The following DCUN1D4 variants were observed in gnomAD, a reference collection of about 807,000 sequenced individuals.
DCUN1D4 encodes defective in cullin neddylation 1 domain containing 4.
DCUN1D4 carries 22 observed loss-of-function variants against 47.9 expected under a neutral mutation model. The ratio of observed to expected loss-of-function variants is 0.46; its 90% CI spans 0.33 to 0.66. DCUN1D4 has a LOEUF of 0.66. DCUN1D4 is among the 30% of genes least tolerant of loss of function. The pLI, the probability that DCUN1D4 is intolerant of heterozygous loss-of-function variation, is 0.02. For synonymous variants in DCUN1D4, 121 were observed against 112.2 expected, an observed-to-expected ratio of 1.08 and a Z score of -0.50; for missense variants, 301 against 340.8, an observed-to-expected ratio of 0.88 and a Z score of 0.92.
At chr4:51,888,648 G>A (rs1729918009) in intron 6 of DCUN1D4, among the ~76,000 whole-genome samples, 1 of 151,650 alleles carries the variant, frequency 6.6e-6, no homozygotes, top group Non-Finnish European at 1.5e-5. Flanking sequence ...GAACCCAGGA[G>A]GTGGAGGTTG....
chr4:51,915,830 T>C lies in DCUN1D4; in HGVS notation c.*2246T>C, dbSNP rs1720190128. 1 of 152,534 alleles carries C rather than the reference T, an allele frequency of 6.6e-6. No homozygotes were observed. The highest frequency in any genetic ancestry group is 1.5e-5 in the Non-Finnish European group (1 of 67,976). 9.4% of individuals were successfully genotyped at this position (152,534 alleles called of 1,614,324 possible). The stretch of plus-strand genomic sequence containing the variant: ...AAAAAACTGCGTAAAAACTATTGCA[T>C]TATGTATGATAAGAAAGTAAGTATT... On this transcript the variant is annotated 3_prime_UTR_variant, in exon 11 of 11. Coordinates refer to ENST00000334635, the MANE Select transcript of DCUN1D4 (RefSeq NM_001040402.3).
At chr4:51,897,525 ACT>A (rs1411741620) in intron 7 of DCUN1D4, among the ~76,000 whole-genome samples, 5 of 152,128 alleles carry the variant, frequency 3.3e-5, no homozygotes, top group African/African-American at 1.2e-4. Flanking sequence ...GAAAATGGTG[ACT>A]CTTGATTCTC....
chr4:51,911,225 A>G lies in DCUN1D4; in HGVS notation c.720+51A>G, dbSNP rs746222897. The G allele has an allele frequency of 1.5e-5, 22 of 1,498,234 alleles. No individual in the cohort carries two copies. In the East Asian group the frequency reaches 4.5e-4, roughly 31 times the overall value. 92.8% of individuals were successfully genotyped at this position (1,498,234 alleles called of 1,614,324 possible). A position where few individuals can be genotyped will look rare whatever the true frequency, so the allele number is the denominator to read the frequency against. On this transcript the variant is annotated intron_variant, in intron 9 of 10. Transcript: ENST00000334635. ...GTATGTTTGCTTGCTTGGAACTACC[A>G]AATAACTTTATTCACCCGTTGTATG...
At chr4:51,846,816 A>G (rs71595665) in intron 1 of DCUN1D4, among the ~76,000 whole-genome samples, 4,544 of 152,302 alleles carry the variant, frequency 0.03, 143 homozygotes, top group Admixed American at 0.097. Flanking sequence ...TAGGTTCTGC[A>G]TCTTTTTCTT....
At position 51,914,978 on chromosome 4, in the gene DCUN1D4, A is replaced by C. The variant is rs933175026; in HGVS notation, c.*1394A>C. The C allele has an allele frequency of 6.6e-6, 1 of 152,474 alleles. No homozygotes were observed. The highest frequency in any genetic ancestry group is 2.4e-5 in the African/African-American group (1 of 41,426). The allele number at this position is 152,474 out of a possible 1,614,324, so 9.4% of individuals were successfully genotyped here. On this transcript the variant is annotated 3_prime_UTR_variant, in exon 11 of 11. Transcript: ENST00000334635. ...TTGAGTGAGTAAAAGGTAATGGTGC[A>C]TTTGAACAAGTAAATGCTGTCGTGG...
At chr4:51,847,831 T>A (rs1722790934) in intron 1 of DCUN1D4, among the ~76,000 whole-genome samples, 1 of 152,114 alleles carries the variant, frequency 6.6e-6, no homozygotes, top group Non-Finnish European at 1.5e-5. Flanking sequence ...TTTCATGGAA[T>A]CTCTGAAGCA....
chr4:51,871,157 C>T (rs1406559335), intron 3 of DCUN1D4, among the ~76,000 whole-genome samples: 1 of 150,690 alleles, frequency 6.6e-6, no homozygotes, highest in East Asian at 1.9e-4. Context: ...AGTCATGCCT[C>T]TTAGTTAGGA....
At chr4:51,875,940 A>G (rs1727606072) in intron 4 of DCUN1D4, among the ~76,000 whole-genome samples, 1 of 151,980 alleles carries the variant, frequency 6.6e-6, no homozygotes, top group South Asian at 2.1e-4. Flanking sequence ...GAATTAGATC[A>G]TATCTATTTG....
chr4:51,871,909 G>C (rs1025122560), intron 3 of DCUN1D4, among the ~76,000 whole-genome samples: 11 of 152,192 alleles, frequency 7.2e-5, no homozygotes, highest in African/African-American at 2.2e-4. Flanking sequence ...GGTGTGTGGG[G>C]TGGTGGGCAG....
intron 1 of DCUN1D4, chr4:51,844,476 G>A (rs1485981971): frequency 1.1e-6 from 1 of 915,182 alleles, no homozygotes; most frequent in Non-Finnish European, 1.3e-6. Flanking sequence ...TCAGCAGCGG[G>A]AGCCGGAGGG....
chr4:51,862,474 T>C (rs6829208), intron 1 of DCUN1D4, among the ~76,000 whole-genome samples: 59,083 of 152,064 alleles, frequency 0.39, 13,936 homozygotes, highest in African/African-American at 0.66. Context: ...ATACGTGTCC[T>C]AAATAAAATG....
At chr4:51,888,955 C>T (rs1729990684) in intron 6 of DCUN1D4, among the ~76,000 whole-genome samples, 1 of 151,276 alleles carries the variant, frequency 6.6e-6, no homozygotes, top group Non-Finnish European at 1.5e-5. Context: ...AATAAAATAC[C>T]AAAATTAGCC....
In DCUN1D4 at chr4:51,843,158, C is replaced by G. The variant is rs955609987; in HGVS notation, c.-85C>G. On this transcript the variant is annotated 5_prime_UTR_variant, in exon 1 of 11. Transcript: ENST00000334635. ...GTGCCCGGCGGCGGGTCCTCAGCTT[C>G]GAGCCGAGGTGCAGTGAGCTGGTGG... The G allele has an allele frequency of 3.3e-6, 5 of 1,520,658 alleles. No individual in the cohort carries two copies. Among genetic ancestry groups the G allele is most frequent in the East Asian group, 5.2e-5 (2 of 38,694 alleles). 94.2% of individuals were successfully genotyped at this position (1,520,658 alleles called of 1,614,324 possible).
Position 51,913,774 on chromosome 4 carries a change from C to T in DCUN1D4, c.*190C>T, listed in dbSNP as rs923550721. The T allele has an allele frequency of 5.5e-6, 3 of 544,438 alleles. No homozygotes were observed. Among genetic ancestry groups the T allele is most frequent in the African/African-American group, 1.9e-5 (1 of 52,884 alleles). 33.7% of individuals were successfully genotyped at this position (544,438 alleles called of 1,614,324 possible). A position where few individuals can be genotyped will look rare whatever the true frequency, so the allele number is the denominator to read the frequency against. Reference sequence around the variant, plus strand: ...GTGGCATTGTTCTCTTGGAAGGCTGCTTTGCAGTTTGTATTTACACTACAG... The same window carrying T: ...GTGGCATTGTTCTCTTGGAAGGCTGTTTTGCAGTTTGTATTTACACTACAG... On this transcript the variant is annotated 3_prime_UTR_variant, in exon 11 of 11. Transcript: ENST00000334635.
chr4:51,848,383 G>T (rs1437200910), intron 1 of DCUN1D4: 6 of 1,160,190 alleles, frequency 5.2e-6, no homozygotes, highest in South Asian at 1.8e-5. Context: ...ATGTTAAGGG[G>T]CCTAGAGTGT....
chr4:51,858,153 G>A (rs1724440589), intron 1 of DCUN1D4, among the ~76,000 whole-genome samples: 1 of 152,154 alleles, frequency 6.6e-6, no homozygotes, highest in South Asian at 2.1e-4. Context: ...ACAAATAATT[G>A]TATATATTTA....
chr4:51,845,458 C>G (rs1486505548), intron 1 of DCUN1D4, among the ~76,000 whole-genome samples: 5 of 152,146 alleles, frequency 3.3e-5, no homozygotes, highest in African/African-American at 1.2e-4. Flanking sequence ...AAGTGGAGAA[C>G]CATAAGACTT....
chr4:51,876,937 CTTATA>C (rs1727806065), intron 4 of DCUN1D4, among the ~76,000 whole-genome samples: 2 of 152,058 alleles, frequency 1.3e-5, no homozygotes, highest in Non-Finnish European at 2.9e-5. Flanking sequence ...AATGTATATA[CTTATA>C]ATTTTTATAT....
intron 1 of DCUN1D4, among the ~76,000 whole-genome samples, chr4:51,850,322 T>C (rs1723179687): frequency 6.6e-6 from 1 of 152,202 alleles, no homozygotes; most frequent in Non-Finnish European, 1.5e-5. Context: ...GGTGAGCGGC[T>C]TTCCAGTGGA....
Sources: allele counts gnomAD v4.1 joint callset (sites outside exome capture counted in the v4.1 genomes callset), GRCh38; gene constraint gnomAD v4.1.1; transcripts MANE v1.5; gene names NCBI Gene and HGNC (gene_info 2026-07-23, HGNC 2026-07-21).